Variants in SSPN observed in about 807,000 individuals in gnomAD.
SSPN encodes the protein K-ras oncogene-associated protein.
A neutral mutation model predicts 19.1 loss-of-function variants in SSPN; 15 were observed. The observed-to-expected ratio is 0.78, with a 90% CI of 0.52 to 1.21. The LOEUF is 1.21. Among genes scored for constraint, SSPN ranks in the 50% most tolerant of loss-of-function variants. SSPN has a pLI of 0.00. For synonymous variants in SSPN, 147 were observed against 140.3 expected (o/e 1.05, Z -0.34); for missense variants, 291 against 314.0 (o/e 0.93, Z 0.55).
chr12:26,152,063 A>G (rs1230335244), intron 1 of SSPN, among the ~76,000 whole-genome samples: 3 of 152,184 alleles, frequency 2.0e-5, no homozygotes. Context: ...ATACACTTTT[A>G]AGTCTAATCT....
chr12:26,194,945 G>A (rs1432778659), upstream of SSPN, among the ~76,000 whole-genome samples: 1 of 152,182 alleles, frequency 6.6e-6, no homozygotes, highest in Non-Finnish European at 1.5e-5. Context: ...AGCTAGGATG[G>A]TGACAATGCA....
intron 1 of SSPN, among the ~76,000 whole-genome samples, chr12:26,149,910 A>G (rs1007770556): frequency 6.6e-6 from 1 of 152,180 alleles, no homozygotes; most frequent in African/African-American, 2.4e-5. Flanking sequence ...ATGCACCTGA[A>G]ATTTTTAAGG....
chr12:26,170,441 A>G (rs1256733383), intron 1 of SSPN, among the ~76,000 whole-genome samples: 2 of 152,226 alleles, frequency 1.3e-5, no homozygotes, highest in African/African-American at 2.4e-5. Context: ...TCCTCCAATG[A>G]TATTAAAGTA....
chr12:26,204,152 T>C (rs1591879372), intron 1 of SSPN, among the ~76,000 whole-genome samples: 1 of 152,202 alleles, frequency 6.6e-6, no homozygotes, highest in African/African-American at 2.4e-5. Context: ...CAGCTTATTA[T>C]TGAAAGCCCT....
chr12:26,134,933 G>A (rs945589640), intron 1 of SSPN: 2 of 152,368 alleles, frequency 1.3e-5, no homozygotes, highest in African/African-American at 4.8e-5. Context: ...TCTGTCAGGG[G>A]GTAGGGCCTG....
At chr12:26,144,735 G>A (rs1290152988) in intron 1 of SSPN, among the ~76,000 whole-genome samples, 1 of 152,166 alleles carries the variant, frequency 6.6e-6, no homozygotes, top group Non-Finnish European at 1.5e-5. Context: ...CAGATACTGA[G>A]CTCGGTAAAT....
intron 1 of SSPN, among the ~76,000 whole-genome samples, chr12:26,164,441 G>A (rs536028997): frequency 3.9e-5 from 6 of 152,194 alleles, no homozygotes; most frequent in East Asian, 3.8e-4. Context: ...TTGGGAGGCC[G>A]AGGTGGAAGG....
intron 1 of SSPN, among the ~76,000 whole-genome samples, chr12:26,175,574 C>T (rs1944678519): frequency 6.6e-6 from 1 of 151,942 alleles, no homozygotes. Flanking sequence ...TGATAATAGT[C>T]ATATTTATAA....
At chr12:26,122,597 C>T (rs1456099428) in intron 1 of SSPN, 6 of 1,121,046 alleles carry the variant, frequency 5.4e-6, no homozygotes, top group African/African-American at 5.1e-5. Flanking sequence ...CAGGGTCGGG[C>T]CCCAGAAGCG....
intron 1 of SSPN, among the ~76,000 whole-genome samples, chr12:26,182,138 C>T (rs1944722228): frequency 6.6e-6 from 1 of 152,212 alleles, no homozygotes; most frequent in Admixed American, 6.5e-5. Flanking sequence ...TTGAGTCCAG[C>T]ACTGTCCTCT....
At chr12:26,230,673 C>T in intron 2 of SSPN, 38 bp from the exon 3 acceptor site, 2 of 1,558,798 alleles carry the variant, frequency 1.3e-6, no homozygotes, top group South Asian at 1.2e-5. Context: ...ATCCAATGTT[C>T]TTTGTAACCA....
intron 1 of SSPN, among the ~76,000 whole-genome samples, chr12:26,162,243 A>C (rs1280652909): frequency 1.3e-5 from 2 of 152,138 alleles, no homozygotes. Context: ...TTTTAACTTG[A>C]GAAAAATTAT....
At chr12:26,197,139 A>C (rs1253507526) in intron 1 of SSPN, among the ~76,000 whole-genome samples, 2 of 152,228 alleles carry the variant, frequency 1.3e-5, no homozygotes, top group African/African-American at 4.8e-5. Context: ...TCCTTGTCTC[A>C]TATTGCATCC....
At chr12:26,130,819 T>G (rs1048728452) in intron 1 of SSPN, among the ~76,000 whole-genome samples, 2 of 151,962 alleles carry the variant, frequency 1.3e-5, no homozygotes, top group Non-Finnish European at 2.9e-5. Context: ...GATCACCCCA[T>G]GGTCAGAAGA....
At chr12:26,176,320 A>G (rs530240998) in intron 1 of SSPN, among the ~76,000 whole-genome samples, 20 of 152,358 alleles carry the variant, frequency 1.3e-4, no homozygotes, top group African/African-American at 4.6e-4. Context: ...TCAGATTGCC[A>G]TAGAATATTT....
chr12:26,223,767 T>G (rs756238471), intron 1 of SSPN, among the ~76,000 whole-genome samples: 6 of 152,210 alleles, frequency 3.9e-5, no homozygotes, highest in Non-Finnish European at 8.8e-5. Flanking sequence ...AGGAATACAA[T>G]ATAAAGCCCT....
At chr12:26,228,407 T>C (rs1298054264) in intron 2 of SSPN, among the ~76,000 whole-genome samples, 1 of 150,488 alleles carries the variant, frequency 6.6e-6, no homozygotes, top group Non-Finnish European at 1.5e-5. Context: ...TATTTAAGGA[T>C]GTATGTATGT....
chr12:26,123,207 T>C, intron 1 of SSPN: 1 of 1,537,860 alleles, frequency 6.5e-7, no homozygotes, highest in Non-Finnish European at 8.8e-7. Context: ...GACGGAGGAG[T>C]GGAGGCAAGA....
chr12:26,145,715 A>G (rs1944486209), intron 1 of SSPN, among the ~76,000 whole-genome samples: 1 of 152,206 alleles, frequency 6.6e-6, no homozygotes, highest in Non-Finnish European at 1.5e-5. Flanking sequence ...CGCCACCACC[A>G]TGGCCTCAGA....
Sources: allele counts gnomAD v4.1 joint callset (sites outside exome capture counted in the v4.1 genomes callset), GRCh38; gene constraint gnomAD v4.1.1; transcripts MANE v1.5; gene names NCBI Gene and HGNC (gene_info 2026-07-23, HGNC 2026-07-21).